RECK: variants seen among roughly 807,000 people sequenced by gnomAD.
RECK encodes the protein reversion inducing cysteine rich protein with kazal motifs.
In RECK, 69 loss-of-function variants were observed where a neutral mutation model predicts 115.1. The ratio of observed to expected loss-of-function variants is 0.60; its 90% CI spans 0.49 to 0.73. The LOEUF (loss-of-function observed/expected upper bound fraction) is 0.73, where lower values mean the gene tolerates loss of function less well. Ranked by LOEUF, RECK falls within the 30% of genes least tolerant of loss-of-function variation. The pLI is 0.00. For synonymous variants in RECK, 414 were observed against 419.7 expected, an observed-to-expected ratio of 0.99 and a Z score of 0.17; for missense variants, 1,047 against 1,203.7, an observed-to-expected ratio of 0.87 and a Z score of 1.93.
At chr9:36,116,948 C>T (rs369877109) in intron 16 of RECK, 37 bp from the exon 17 acceptor site, 26 of 1,561,444 alleles carry the variant, frequency 1.7e-5, no homozygotes, top group Non-Finnish European at 2.1e-5. Context: ...CAGTCCCTCC[C>T]TACATTGGCT....
chr9:36,101,717 A>C (rs1318312548), intron 11 of RECK, among the ~76,000 whole-genome samples: 1 of 151,902 alleles, frequency 6.6e-6, no homozygotes, highest in Non-Finnish European at 1.5e-5. Flanking sequence ...TTAGATAAGG[A>C]AGGGAAGGCA....
chr9:36,113,689 C>T (rs1394563884), intron 16 of RECK, among the ~76,000 whole-genome samples: 2 of 152,118 alleles, frequency 1.3e-5, no homozygotes, highest in Admixed American at 1.3e-4. Context: ...ACAAATGACA[C>T]ACTGGAAGGA....
chr9:36,065,452 TA>T (rs769471374), intron 5 of RECK, 124 bp from the exon 6 acceptor site: 29 of 623,604 alleles, frequency 4.7e-5, no homozygotes, highest in East Asian at 3.4e-4. Flanking sequence ...TATTTGAACA[TA>T]AGGTTTTCCT....
intron 1 of RECK, among the ~76,000 whole-genome samples, chr9:36,051,641 T>C (rs1462409803): frequency 6.6e-6 from 1 of 152,228 alleles, no homozygotes; most frequent in Non-Finnish European, 1.5e-5. Flanking sequence ...CTCTTTCCTT[T>C]CTTTCCATAT....
At chr9:36,105,550 G>A (rs747156588) in intron 13 of RECK, among the ~76,000 whole-genome samples, 6 of 152,130 alleles carry the variant, frequency 3.9e-5, no homozygotes, top group African/African-American at 1.4e-4. Context: ...AATAATAACA[G>A]TCTAAAACTT....
intron 11 of RECK, 107 bp downstream of exon 11, chr9:36,100,650 A>G (rs1442450034): frequency 2.6e-6 from 2 of 776,196 alleles, no homozygotes; most frequent in South Asian, 1.8e-5. Flanking sequence ...TCCTTTGCCT[A>G]TCACCCCCGT....
chr9:36,096,569 A>AAATAT (rs1276857619), intron 10 of RECK, among the ~76,000 whole-genome samples: 1 of 152,092 alleles, frequency 6.6e-6, no homozygotes, highest in African/African-American at 2.4e-5. Flanking sequence ...AAATAAAATA[A>AAATAT]ATAGAAACAT....
At chr9:36,059,966 C>T (rs545865205) in intron 3 of RECK, among the ~76,000 whole-genome samples, 153 bp from the exon 4 acceptor site, 7 of 152,268 alleles carry the variant, frequency 4.6e-5, no homozygotes, top group Admixed American at 1.3e-4. Context: ...TTGTTCCCCC[C>T]GAATAGCTGA....
At position 36,091,103 on chromosome 9, in the gene RECK, GCAAAT is replaced by G. The variant is rs1823140605; in HGVS notation, c.906-55_906-51del. On this transcript the variant is annotated intron_variant, in intron 9 of 20. Transcript: ENST00000377966. Reference sequence around the variant, plus strand: ...ATAGTTCATAGAGTTTTAGTTTTATGCAAATCAAATATTTACTTGGTTGGCTCATG... The same window carrying G: ...ATAGTTCATAGAGTTTTAGTTTTATGCAAATATTTACTTGGTTGGCTCATG... The G allele has an allele frequency of 1.4e-5, 21 of 1,507,010 alleles. No homozygotes were observed. In the East Asian group the frequency reaches 4.8e-4, roughly 34 times the overall value. 93.4% of individuals were successfully genotyped at this position (1,507,010 alleles called of 1,614,324 possible). A position where few individuals can be genotyped will look rare whatever the true frequency, so the allele number is the denominator to read the frequency against.
intron 2 of RECK, among the ~76,000 whole-genome samples, chr9:36,057,457 C>T (rs1393961215): frequency 6.6e-6 from 1 of 152,070 alleles, no homozygotes; most frequent in Non-Finnish European, 1.5e-5. Context: ...TGCTTATTTG[C>T]GAAACTAATC....
intron 1 of RECK, among the ~76,000 whole-genome samples, chr9:36,043,908 A>G (rs1428281706): frequency 2.6e-5 from 4 of 152,112 alleles, no homozygotes; most frequent in Admixed American, 1.3e-4. Context: ...TGTTTTGGTG[A>G]CTATAGCCTT....
chr9:36,036,933 G>A lies in RECK; in HGVS notation c.-66G>A, dbSNP rs1820681166. On this transcript the variant is annotated 5_prime_UTR_variant, in exon 1 of 21. Coordinates refer to ENST00000377966, the MANE Select transcript of RECK (RefSeq NM_021111.3). Reference sequence around the variant, plus strand: ...GCCTCGCGCGAGCGGCGGCGGTAGCGGCGGCAGCGGCTGCGGCCAAGCTGG... The same window carrying A: ...GCCTCGCGCGAGCGGCGGCGGTAGCAGCGGCAGCGGCTGCGGCCAAGCTGG... 3.7e-6 allele frequency: 4 copies of A among 1,082,984 alleles called. No homozygotes were observed. Among genetic ancestry groups the A allele is most frequent in the African/African-American group, 1.7e-5 (1 of 59,736 alleles). 67.1% of individuals were successfully genotyped at this position (1,082,984 alleles called of 1,614,324 possible).
At chr9:36,056,191 C>G (rs573501647) in intron 2 of RECK, among the ~76,000 whole-genome samples, 33 of 151,924 alleles carry the variant, frequency 2.2e-4, no homozygotes, top group African/African-American at 8.0e-4. Context: ...TCTCAATTGT[C>G]ATATTATTTG....
At chr9:36,066,260 T>C (rs1022834948) in intron 6 of RECK, among the ~76,000 whole-genome samples, 1 of 152,110 alleles carries the variant, frequency 6.6e-6, no homozygotes, top group Non-Finnish European at 1.5e-5. Flanking sequence ...AAAAACCTCC[T>C]CATTGGGGCT....
intron 11 of RECK, 35 bp downstream of exon 11, chr9:36,100,578 T>C: frequency 6.6e-7 from 1 of 1,509,484 alleles, no homozygotes; most frequent in Non-Finnish European, 9.2e-7. Flanking sequence ...TCTCCAGCTT[T>C]AGTTCAGACC....
At chr9:36,088,110 A>T (rs1219809996) in intron 9 of RECK, 149 bp downstream of exon 9, 2 of 638,606 alleles carry the variant, frequency 3.1e-6, no homozygotes, top group Admixed American at 5.9e-5. Flanking sequence ...ACAAATGTGT[A>T]TTGAGCATTG....
At chr9:36,038,994 A>G (rs1820770436) in intron 1 of RECK, among the ~76,000 whole-genome samples, 2 of 152,224 alleles carry the variant, frequency 1.3e-5, no homozygotes, top group African/African-American at 4.8e-5. Context: ...TTCATGGTAT[A>G]CAAATTGTAG....
rs1424992336 is a variant in RECK at position 36,091,142 on chromosome 9, T to G, written c.906-22T>G. On this transcript the variant is annotated intron_variant, in intron 9 of 20. Coordinates refer to ENST00000377966, the MANE Select transcript of RECK (RefSeq NM_021111.3). Reference sequence around the variant, plus strand: ...TACTTGGTTGGCTCATGTCGGCTTCTGCATTTGTGCTCTTGTTTCAGGGAA... The same window carrying G: ...TACTTGGTTGGCTCATGTCGGCTTCGGCATTTGTGCTCTTGTTTCAGGGAA... The G allele has an allele frequency of 5.0e-6, 8 of 1,612,564 alleles. No individual in the cohort carries two copies. In the South Asian group the frequency reaches 8.8e-5, roughly 18 times the overall value.
At chr9:36,084,423 G>A (rs1215829137) in intron 8 of RECK, among the ~76,000 whole-genome samples, 4 of 151,930 alleles carry the variant, frequency 2.6e-5, no homozygotes, top group East Asian at 1.9e-4. Context: ...GGCCAGGCAC[G>A]GTGGCTCACG....
Sources: allele counts gnomAD v4.1 joint callset (sites outside exome capture counted in the v4.1 genomes callset), GRCh38; gene constraint gnomAD v4.1.1; transcripts MANE v1.5; gene names NCBI Gene and HGNC (gene_info 2026-07-23, HGNC 2026-07-21).